The following ZSWIM3 variants were observed in gnomAD, a reference collection of about 807,000 sequenced individuals.
ZSWIM3 encodes the protein zinc finger SWIM-type containing 3, also known as zinc finger SWIM domain-containing protein 3.
Under a neutral mutation model 47.5 loss-of-function variants are expected in ZSWIM3, and 27 were observed. The ratio of observed to expected loss-of-function variants is 0.57; its 90% CI spans 0.42 to 0.78. ZSWIM3 has a LOEUF of 0.78. ZSWIM3 is among the 30% of genes least tolerant of loss of function. The pLI is 0.00. For synonymous variants in ZSWIM3, 333 were observed against 333.9 expected (o/e 1.00, Z 0.03); for missense variants, 689 against 861.3 (o/e 0.80, Z 2.50).
At chr20:45,862,450 T>C (rs1274882507) in intron 1 of ZSWIM3, among the ~76,000 whole-genome samples, 1 of 151,978 alleles carries the variant, frequency 6.6e-6, no homozygotes, top group African/African-American at 2.4e-5. Context: ...GTCTGCATTA[T>C]CTTTTTTATC....
At chr20:45,875,016 G>C (rs1048015312) in intron 1 of ZSWIM3, among the ~76,000 whole-genome samples, 29 of 151,038 alleles carry the variant, frequency 1.9e-4, no homozygotes, top group African/African-American at 6.1e-4. Flanking sequence ...CCCTGATTTG[G>C]GGGGGGTTTT....
chr20:45,867,676 T>C (rs765977069), intron 1 of ZSWIM3, among the ~76,000 whole-genome samples: 23 of 152,198 alleles, frequency 1.5e-4, no homozygotes, highest in Non-Finnish European at 2.4e-4. Context: ...AACATTGCTA[T>C]CAACTGGGAA....
intron 1 of ZSWIM3, among the ~76,000 whole-genome samples, chr20:45,860,099 T>C (rs1985669187): frequency 6.6e-6 from 1 of 152,202 alleles, no homozygotes. Context: ...ACAAGTTTAA[T>C]GGTGCAAAGC....
intron 1 of ZSWIM3, among the ~76,000 whole-genome samples, chr20:45,875,310 G>A (rs1986065780): frequency 6.6e-6 from 1 of 151,968 alleles, no homozygotes. Flanking sequence ...CCAAAGTGGT[G>A]GGATTACAGG....
rs200927989 is a variant in ZSWIM3, at chr20:45,878,326, T to C, written c.1768T>C (p.Tyr590His). 8.1e-5 allele frequency: 131 copies of C among 1,614,042 alleles called. No individual in the cohort carries two copies. The highest frequency in any genetic ancestry group is 1.0e-4 in the Non-Finnish European group (120 of 1,180,026). Reference sequence around the variant, plus strand: ...CCGCCGGTGGCAGAAGAAGTACCAGTACCTCCTTGGGCCCAATGGGGAGCT... The same window carrying C: ...CCGCCGGTGGCAGAAGAAGTACCAGCACCTCCTTGGGCCCAATGGGGAGCT... ...VCRRWQKKYQ[Y>H]LLGPNGELQD... Residue 590 changes from tyrosine (Y) to histidine (H), a missense_variant, in exon 2 of 2, where the codon TAC (tyrosine) becomes CAC (histidine). Coordinates refer to ENST00000255152, the MANE Select transcript of ZSWIM3 (RefSeq NM_080752.4).
chr20:45,877,686 G>A lies in ZSWIM3; in HGVS notation c.1128G>A (p.Leu376=). The A allele has an allele frequency of 4.3e-6, 7 of 1,614,134 alleles. No homozygotes were observed. In the South Asian group the frequency reaches 5.5e-5, roughly 13 times the overall value. Residue 376 remains leucine, a synonymous_variant, in exon 2 of 2, where the codon CTG becomes CTA. Coordinates refer to ENST00000255152, the MANE Select transcript of ZSWIM3 (RefSeq NM_080752.4). ...CCCACTGGTTCACCTGTGAACTGCT[G>A]TGGTACATGCATGTTAGGAAGGGCC... is the stretch of plus-strand genomic sequence containing the variant. ...LQAHWFTCEL[L]WYMHVRKGLL...
chr20:45,876,661 A>G (rs1986098878), intron 1 of ZSWIM3, 53 bp from the exon 2 acceptor site: 5 of 1,560,930 alleles, frequency 3.2e-6, no homozygotes, highest in Non-Finnish European at 4.3e-6. Flanking sequence ...TTATCTTTAT[A>G]AGGGGTGGGG....
chr20:45,874,324 C>T (rs1369677504), intron 1 of ZSWIM3, among the ~76,000 whole-genome samples: 1 of 152,126 alleles, frequency 6.6e-6, no homozygotes, highest in Non-Finnish European at 1.5e-5. Flanking sequence ...CCAGCCTGGC[C>T]GACATGGTGA....
At chr20:45,858,777 G>A (rs1985619481) in intron 1 of ZSWIM3, among the ~76,000 whole-genome samples, 1 of 108,624 alleles carries the variant, frequency 9.2e-6, no homozygotes, top group African/African-American at 2.9e-5. Context: ...ACCCTGCAGG[G>A]CTTTTTTTTC....
rs1293651053 is a variant in ZSWIM3 at position 45,876,819 on chromosome 20, A to C, written c.261A>C (p.Arg87Ser). Residue 87 changes from arginine to serine, a missense_variant, in exon 2 of 2, where the codon AGA becomes AGC. Physicochemically the swap from Arg to Ser is moderately radical, Grantham distance 110. Coordinates refer to ENST00000255152, the MANE Select transcript of ZSWIM3 (RefSeq NM_080752.4). ...ACTTGCTCCTAAGGTACAACGAGAG[A>C]CTAGATAGACTATTTATCAGTGAAC... ...PAYLLLRYNE[R>S]LDRLFISELN... The C allele has an allele frequency of 6.2e-7, 1 of 1,614,176 alleles. No individual in the cohort carries two copies. The highest frequency in any genetic ancestry group is 1.1e-5 in the South Asian group (1 of 91,082).
In ZSWIM3 at chr20:45,873,284, C is replaced by T. The variant is rs146111247; in HGVS notation, c.156-3430C>T. Among the ~76,000 whole-genome samples the T allele has an allele frequency of 2.2e-4, 34 of 152,218 alleles. 1 individual carries two copies. The East Asian group carries it at 3.7e-3, about 16-fold the overall frequency. On this transcript the variant is annotated intron_variant, in intron 1 of 1. Transcript: ENST00000255152. ...GGCATGGTGGCGCATGCCTGTAATC[C>T]CAGCTACTCGGGAGGCTGACACAGG...
rs772892473 is a variant in ZSWIM3 at position 45,877,969 on chromosome 20, G to A, written c.1411G>A (p.Glu471Lys). Residue 471 changes from glutamate to lysine, a missense_variant, in exon 2 of 2, where the codon GAG (glutamate) becomes AAG (lysine). By Grantham distance (56) the Glu-to-Lys change is moderately conservative. Coordinates refer to ENST00000255152, the MANE Select transcript of ZSWIM3 (RefSeq NM_080752.4). The part of the protein sequence containing the change: ...GESLTSLPAE[E>K]TKPDAQQVQV... ...GAGCCTTACCAGCCTCCCTGCAGAAGAGACCAAGCCAGACGCACAGCAGGT... is the reference window on the plus strand; with the variant it reads ...GAGCCTTACCAGCCTCCCTGCAGAAAAGACCAAGCCAGACGCACAGCAGGT... 6.8e-6 allele frequency: 11 copies of A among 1,614,056 alleles called. 1 individual carries two copies. The highest frequency in any genetic ancestry group is 1.1e-5 in the South Asian group (1 of 91,090).
In ZSWIM3 at chr20:45,857,988, CGGGCG is replaced by C; in HGVS notation, c.155+21_155+25del. 4 of 58,826 alleles carry C rather than the reference CGGGCG, an allele frequency of 6.8e-5. No individual in the cohort carries two copies. Among genetic ancestry groups the C allele is most frequent in the Non-Finnish European group, 6.7e-5 (2 of 29,692 alleles). The allele number at this position is 58,826 out of a possible 1,614,324, so 3.6% of individuals were successfully genotyped here. A position where few individuals can be genotyped will look rare whatever the true frequency, so the allele number is the denominator to read the frequency against. The stretch of plus-strand genomic sequence containing the variant: ...CATCCGCGAAGACATCCTGTAAGGG[CGGGCG>C]GGGCGGGGCGGGCCAAGAGGGTGGG... On this transcript the variant is annotated intron_variant, in intron 1 of 1. Coordinates refer to ENST00000255152, the MANE Select transcript of ZSWIM3 (RefSeq NM_080752.4).
intron 1 of ZSWIM3, among the ~76,000 whole-genome samples, chr20:45,875,776 C>G (rs1378809768): frequency 1.3e-5 from 2 of 152,138 alleles, no homozygotes; most frequent in Non-Finnish European, 2.9e-5. Flanking sequence ...GCGGGGATTA[C>G]AGGCATGAGC....
intron 1 of ZSWIM3, among the ~76,000 whole-genome samples, chr20:45,871,873 A>G (rs1568747846): frequency 6.6e-6 from 1 of 151,696 alleles, no homozygotes; most frequent in East Asian, 1.9e-4. Context: ...AGAAAAAAAA[A>G]AAAAGAAAAA....
At chr20:45,873,985 A>C (rs1431779160) in intron 1 of ZSWIM3, among the ~76,000 whole-genome samples, 1 of 152,254 alleles carries the variant, frequency 6.6e-6, no homozygotes. Flanking sequence ...GTTTTGAATC[A>C]TCACTTTAAG....
intron 1 of ZSWIM3, among the ~76,000 whole-genome samples, chr20:45,859,792 C>CAAAAAAAAAAAA (rs765560893): frequency 1.9e-5 from 1 of 52,096 alleles, no homozygotes; most frequent in African/African-American, 6.2e-5. Flanking sequence ...GAGAGGAATA[C>CAAAAAAAAAAAA]AAAAAAAAAA....
At chr20:45,869,734 G>A (rs1985924188) in intron 1 of ZSWIM3, among the ~76,000 whole-genome samples, 1 of 152,002 alleles carries the variant, frequency 6.6e-6, no homozygotes, top group Non-Finnish European at 1.5e-5. Context: ...ACAAATGCAG[G>A]AGTCACATCC....
chr20:45,865,359 G>A (rs1158013201), intron 1 of ZSWIM3, among the ~76,000 whole-genome samples: 1 of 151,564 alleles, frequency 6.6e-6, no homozygotes, highest in East Asian at 1.9e-4. Flanking sequence ...CTGGTGGCGG[G>A]CGCCTGTAGT....
Sources: gnomAD v4.1 joint callset for allele counts (sites outside exome capture counted in the v4.1 genomes callset) on GRCh38, gnomAD v4.1.1 for gene constraint, MANE v1.5 for transcripts, NCBI Gene and HGNC (gene_info 2026-07-23, HGNC 2026-07-21) for gene names.